The following KCNH1 variants were observed in gnomAD, a reference collection of about 807,000 sequenced individuals.
The protein encoded by KCNH1 is potassium voltage-gated channel subfamily H member 1, also known as voltage-gated delayed rectifier potassium channel KCNH1.
In KCNH1, 27 loss-of-function variants were observed where a neutral mutation model predicts 69.2. The observed-to-expected ratio is 0.39, with a 90% confidence interval of 0.29 to 0.54. The LOEUF is 0.54. Among genes scored for constraint, KCNH1 ranks in the 20% least tolerant of loss-of-function variants. The pLI is 0.68. For synonymous variants in KCNH1, 456 were observed against 487.7 expected, an observed-to-expected ratio of 0.93 and a Z score of 0.86; for missense variants, 798 against 1,261.6, an observed-to-expected ratio of 0.63 and a Z score of 5.57.
At chr1:210,725,599 C>T (rs1234792903) in intron 10 of KCNH1, among the ~76,000 whole-genome samples, 1 of 152,174 alleles carries the variant, frequency 6.6e-6, no homozygotes, top group Non-Finnish European at 1.5e-5. Flanking sequence ...GAAATCTGCA[C>T]AGAGGTATGA....
intron 6 of KCNH1, among the ~76,000 whole-genome samples, chr1:211,014,187 A>G (rs184818776): frequency 5.1e-4 from 77 of 152,320 alleles, no homozygotes; most frequent in South Asian, 8.3e-4. Context: ...CAATAGCAGT[A>G]AGCAATAAGT....
chr1:210,928,690 G>A (rs1157971846), intron 6 of KCNH1, among the ~76,000 whole-genome samples: 1 of 151,646 alleles, frequency 6.6e-6, no homozygotes, highest in Admixed American at 6.6e-5. Context: ...CAGAAGAAAA[G>A]AAATAACAAA....
intron 7 of KCNH1, among the ~76,000 whole-genome samples, chr1:210,823,700 T>C (rs2102429456): frequency 6.6e-6 from 1 of 152,346 alleles, no homozygotes; most frequent in East Asian, 1.9e-4. Context: ...GTGCTATTAT[T>C]ATCATCTCTA....
At chr1:210,999,305 G>A (rs1188227999) in intron 6 of KCNH1, among the ~76,000 whole-genome samples, 1 of 152,058 alleles carries the variant, frequency 6.6e-6, no homozygotes, top group Non-Finnish European at 1.5e-5. Context: ...GAATCAAATA[G>A]ACACAATAAA....
At chr1:211,010,585 T>A (rs1689374369) in intron 6 of KCNH1, among the ~76,000 whole-genome samples, 1 of 152,160 alleles carries the variant, frequency 6.6e-6, no homozygotes. Context: ...AGAAATGCTC[T>A]ACTTCCTCCT....
chr1:210,878,655 A>G (rs1216226242), intron 7 of KCNH1, among the ~76,000 whole-genome samples: 1 of 152,138 alleles, frequency 6.6e-6, no homozygotes, highest in East Asian at 1.9e-4. Flanking sequence ...GAAAATTTAT[A>G]GCATTCAGTA....
At chr1:210,809,194 G>A (rs1018190577) in intron 7 of KCNH1, among the ~76,000 whole-genome samples, 15 of 152,106 alleles carry the variant, frequency 9.9e-5, no homozygotes, top group African/African-American at 3.6e-4. Context: ...GAGGGAGGGT[G>A]TAGCAAAAAC....
At chr1:210,747,101 T>C (rs531149361) in intron 10 of KCNH1, among the ~76,000 whole-genome samples, 1 of 152,132 alleles carries the variant, frequency 6.6e-6, no homozygotes, top group African/African-American at 2.4e-5. Flanking sequence ...ACCTTGTGGG[T>C]TGGAGGAAGG....
intron 6 of KCNH1, among the ~76,000 whole-genome samples, chr1:210,939,284 T>C (rs577413693): frequency 6.6e-6 from 1 of 152,270 alleles, no homozygotes; most frequent in African/African-American, 2.4e-5. Flanking sequence ...AGAAAAGTAA[T>C]GCTTTGTTAT....
intron 1 of KCNH1, among the ~76,000 whole-genome samples, chr1:211,108,039 G>A (rs1258018390): frequency 1.3e-5 from 2 of 152,124 alleles, no homozygotes; most frequent in Admixed American, 6.5e-5. Context: ...ATTTTGAAAC[G>A]CAGCCACAGA....
chr1:210,833,531 A>G (rs1685212464), intron 7 of KCNH1, among the ~76,000 whole-genome samples: 1 of 152,338 alleles, frequency 6.6e-6, no homozygotes. Flanking sequence ...ACAAAAATCA[A>G]TTCAAGATGG....
At chr1:211,132,708 G>C (rs935911197) in intron 1 of KCNH1, 1 of 151,980 alleles carries the variant, frequency 6.6e-6, no homozygotes, top group Admixed American at 6.6e-5. Flanking sequence ...CTCTGAAATC[G>C]TGATATTTAC....
intron 6 of KCNH1, among the ~76,000 whole-genome samples, chr1:211,003,033 T>TTCTG (rs1689217711): frequency 6.6e-6 from 1 of 151,128 alleles, no homozygotes; most frequent in African/African-American, 2.4e-5. Flanking sequence ...TAAGAATGTT[T>TTCTG]TTTGTTTGTT....
intron 5 of KCNH1, among the ~76,000 whole-genome samples, chr1:211,023,482 A>G (rs574424958): frequency 2.6e-5 from 4 of 151,710 alleles, no homozygotes; most frequent in African/African-American, 9.6e-5. Flanking sequence ...ATAAAAAAAG[A>G]ATGAAATCCT....
chr1:211,065,127 C>G (rs1235433890), intron 5 of KCNH1, among the ~76,000 whole-genome samples: 4 of 152,170 alleles, frequency 2.6e-5, no homozygotes, highest in African/African-American at 9.7e-5. Flanking sequence ...ACCAATCTCT[C>G]TACAGGGTAT....
intron 7 of KCNH1, among the ~76,000 whole-genome samples, chr1:210,882,552 C>G (rs1413304020): frequency 6.6e-6 from 1 of 152,132 alleles, no homozygotes; most frequent in Non-Finnish European, 1.5e-5. Flanking sequence ...AGAACAGGCT[C>G]ACATGACAAA....
rs1194412984 is a variant in KCNH1 at position 211,133,113 on chromosome 1, T to C, written c.79+754A>G. ...TATAGGTTTGGTGAGATTGGGAATT[T>C]ATAGGTGAGCAACACTTAAGGGTGG... On this transcript the variant is annotated intron_variant, in intron 1 of 10. Coordinates refer to ENST00000271751, the MANE Select transcript of KCNH1 (RefSeq NM_172362.3). This position sits in a 1 kb window ranked among gnomAD's most constrained non-coding sequence, Gnocchi z 5.4. The C allele has an allele frequency of 6.6e-6, 1 of 152,192 alleles. No homozygotes were observed. Among genetic ancestry groups the C allele is most frequent in the Non-Finnish European group, 1.5e-5 (1 of 68,074 alleles). 9.4% of individuals were successfully genotyped at this position (152,192 alleles called of 1,614,324 possible).
At chr1:211,079,384 A>G (rs1690807909) in intron 5 of KCNH1, among the ~76,000 whole-genome samples, 1 of 152,230 alleles carries the variant, frequency 6.6e-6, no homozygotes, top group Non-Finnish European at 1.5e-5. Flanking sequence ...ATTCTACCAG[A>G]GCTACAAAGA....
Position 211,079,851 on chromosome 1 carries a change from A to ATT in KCNH1, c.558+2928_558+2929insAA, listed in dbSNP as rs1378288447. On this transcript the variant is annotated intron_variant, in intron 5 of 10. Coordinates refer to ENST00000271751, the MANE Select transcript of KCNH1 (RefSeq NM_172362.3). Reference sequence around the variant, plus strand: ...TAAGAGCTATTTATGACAAACCCACAGCCAATATCATACTGAATGGGCAAA... The same window carrying ATT: ...TAAGAGCTATTTATGACAAACCCACATTGCCAATATCATACTGAATGGGCAAA... Among the ~76,000 whole-genome samples, 115 of 152,328 alleles carry ATT rather than the reference A, an allele frequency of 7.5e-4. 2 individuals carry two copies. The South Asian group carries it at 0.017, about 22-fold the overall frequency.
Sources: allele counts gnomAD v4.1 joint callset (sites outside exome capture counted in the v4.1 genomes callset), GRCh38; gene constraint gnomAD v4.1.1; non-coding constraint Gnocchi (gnomAD v3.1); transcripts MANE v1.5; gene names NCBI Gene and HGNC (gene_info 2026-07-23, HGNC 2026-07-21).